Variants in SAMD12 observed in about 807,000 individuals in gnomAD.
SAMD12 encodes the protein sterile alpha motif domain-containing protein 12.
A neutral mutation model predicts 15.0 loss-of-function variants in SAMD12; 9 were observed. The ratio of observed to expected loss-of-function variants is 0.60; its 90% CI spans 0.36 to 1.05. The LOEUF (loss-of-function observed/expected upper bound fraction) is 1.05, where lower values mean the gene tolerates loss of function less well. Ranked by LOEUF, SAMD12 falls within the 50% of genes least tolerant of loss-of-function variation. The pLI is 0.01. For missense variants in SAMD12, 230 were observed against 234.2 expected, an observed-to-expected ratio of 0.98 and a Z score of 0.12; for synonymous variants, 86 against 90.1, an observed-to-expected ratio of 0.96 and a Z score of 0.25.
At chr8:118,473,446 C>T (rs1823862972) in intron 2 of SAMD12, among the ~76,000 whole-genome samples, 1 of 152,218 alleles carries the variant, frequency 6.6e-6, no homozygotes, top group South Asian at 2.1e-4. Context: ...TGTAGTCCCA[C>T]AACCACATCT....
intron 4 of SAMD12, among the ~76,000 whole-genome samples, chr8:118,348,453 C>A (rs1169191806): frequency 6.6e-6 from 1 of 151,782 alleles, no homozygotes; most frequent in Non-Finnish European, 1.5e-5. Context: ...TCACCGCAAG[C>A]TCCGCCCCCC....
chr8:118,200,990 C>T (rs888215992), intron 4 of SAMD12, among the ~76,000 whole-genome samples: 1 of 152,212 alleles, frequency 6.6e-6, no homozygotes, highest in African/African-American at 2.4e-5. Flanking sequence ...CAGCTACACA[C>T]ACCTGGACCC....
intron 4 of SAMD12, among the ~76,000 whole-genome samples, chr8:118,363,007 G>T (rs1703014835): frequency 6.6e-6 from 1 of 152,192 alleles, no homozygotes; most frequent in Admixed American, 6.5e-5. Context: ...ATGCAAAATG[G>T]AAGATGGAGG....
intron 2 of SAMD12, among the ~76,000 whole-genome samples, chr8:118,489,348 A>T (rs1402630055): frequency 6.6e-6 from 1 of 152,112 alleles, no homozygotes; most frequent in East Asian, 1.9e-4. Flanking sequence ...TAATACATCT[A>T]CTTTATCATT....
At chr8:118,548,165 T>C (rs1586807306) in intron 2 of SAMD12, among the ~76,000 whole-genome samples, 1 of 152,318 alleles carries the variant, frequency 6.6e-6, no homozygotes, top group Admixed American at 6.5e-5. Flanking sequence ...CCCATGTTAG[T>C]GCTTTTGCTC....
intron 2 of SAMD12, among the ~76,000 whole-genome samples, chr8:118,499,683 G>A (rs1462051272): frequency 6.6e-6 from 1 of 152,186 alleles, no homozygotes; most frequent in Non-Finnish European, 1.5e-5. Context: ...GTGGAAAACT[G>A]GAGGCTGCTA....
intron 1 of SAMD12, among the ~76,000 whole-genome samples, chr8:118,620,570 C>T (rs1182081388): frequency 6.6e-6 from 1 of 152,042 alleles, no homozygotes; most frequent in Non-Finnish European, 1.5e-5. Context: ...TGAGATAGCC[C>T]AAAGGCAAGA....
intron 3 of SAMD12, among the ~76,000 whole-genome samples, chr8:118,437,459 C>A (rs1226646088): frequency 6.6e-6 from 1 of 152,122 alleles, no homozygotes; most frequent in Non-Finnish European, 1.5e-5. Context: ...CCAGGTGAGT[C>A]CTGACATGAC....
intron 2 of SAMD12, among the ~76,000 whole-genome samples, chr8:118,578,330 C>A (rs1404465563): frequency 6.6e-6 from 1 of 152,160 alleles, no homozygotes; most frequent in Non-Finnish European, 1.5e-5. Flanking sequence ...GCCATCTTTG[C>A]ACATATGAAT....
intron 4 of SAMD12, among the ~76,000 whole-genome samples, chr8:118,251,713 A>G (rs949653672): frequency 1.3e-5 from 2 of 152,124 alleles, no homozygotes; most frequent in Non-Finnish European, 2.9e-5. Context: ...AGGCTCACAC[A>G]AAATGCTTTT....
chr8:118,269,220 C>CTCTCTG lies in SAMD12; in HGVS notation c.434-71489_434-71488insCAGAGA, dbSNP rs1299970707. 1.6e-4 allele frequency among the ~76,000 whole-genome samples: 20 copies of CTCTCTG among 123,040 alleles called. No individual in the cohort carries two copies. The South Asian group carries it at 1.8e-3, about 11-fold the overall frequency. 80.7% of individuals were successfully genotyped at this position (123,040 alleles called of 152,430 possible). A position where few individuals can be genotyped will look rare whatever the true frequency, so the allele number is the denominator to read the frequency against. On this transcript the variant is annotated intron_variant, in intron 4 of 4. Transcript: ENST00000409003. ...TCTCTCTCTCTCTCTCTCTCTCTCT[C>CTCTCTG]TGTGTGTGTGTGTGTGTGTGTGTGT...
rs1813155928 is a variant in SAMD12, at chr8:118,264,579, G to A, written c.434-66847C>T. Among the ~76,000 whole-genome samples the A allele has an allele frequency of 1.3e-5, 2 of 152,132 alleles. 1 individual carries two copies. Among genetic ancestry groups the A allele is most frequent in the South Asian group, 4.1e-4 (2 of 4,834 alleles). ...CTGCACAAGAGTGAAATGGGTGAAG[G>A]TGAAATGCCAGGGGAAAACAGAACA... is the stretch of plus-strand genomic sequence containing the variant. On this transcript the variant is annotated intron_variant, in intron 4 of 4. Transcript: ENST00000409003.
intron 2 of SAMD12, among the ~76,000 whole-genome samples, chr8:118,515,000 TTTTG>T (rs138066033): frequency 0.26 from 38,309 of 149,166 alleles, 6,171 homozygotes; most frequent in African/African-American, 0.46. Context: ...TGTTTAAAAG[TTTTG>T]TTTGTTTGTT....
chr8:118,360,592 T>A (rs1818445309), intron 4 of SAMD12, among the ~76,000 whole-genome samples: 1 of 152,028 alleles, frequency 6.6e-6, no homozygotes, highest in African/African-American at 2.4e-5. Flanking sequence ...GAAAGTATGC[T>A]TTTTATAGGA....
At position 118,597,298 on chromosome 8, in the gene SAMD12, G is replaced by T. The variant is rs189507770; in HGVS notation, c.14-16405C>A. ...AGGGCCCCATCAGACCATTGTAGAA[G>T]GATGTACTGTAGTGCAAAATATTCC... On this transcript the variant is annotated intron_variant, in intron 1 of 3. Coordinates refer to ENST00000314727, the MANE Select transcript of SAMD12 (RefSeq NM_207506.3). 8.9e-3 allele frequency among the ~76,000 whole-genome samples: 1,353 copies of T among 152,328 alleles called. 5 individuals carry two copies. Among genetic ancestry groups the T allele is most frequent in the Middle Eastern group, 0.031 (9 of 294 alleles).
intron 2 of SAMD12, among the ~76,000 whole-genome samples, chr8:118,453,101 AT>A (rs1320074083): frequency 6.6e-6 from 1 of 152,100 alleles, no homozygotes; most frequent in Admixed American, 6.6e-5. Flanking sequence ...AGGTTTTAAA[AT>A]TTTTTTCCTA....
At chr8:118,249,177 A>C (rs1468099927) in intron 4 of SAMD12, among the ~76,000 whole-genome samples, 3 of 152,166 alleles carry the variant, frequency 2.0e-5, no homozygotes, top group Non-Finnish European at 4.4e-5. Context: ...GAAAGATATG[A>C]AACTTACATA....
chr8:118,183,510 T>A, the SAMD12 span, among the ~76,000 whole-genome samples: 4 of 151,966 alleles, frequency 2.6e-5, no homozygotes, highest in African/African-American at 9.7e-5. Context: ...GTGCTTTGTG[T>A]ATAGTGGGTG....
At chr8:118,384,600 G>A (rs1819848454) in intron 3 of SAMD12, among the ~76,000 whole-genome samples, 2 of 152,164 alleles carry the variant, frequency 1.3e-5, no homozygotes, top group Non-Finnish European at 1.5e-5. Context: ...AATGGCTGGA[G>A]GCACCATTTC....
Sources: allele counts gnomAD v4.1 joint callset (sites outside exome capture counted in the v4.1 genomes callset), GRCh38; gene constraint gnomAD v4.1.1; transcripts MANE v1.5; gene names NCBI Gene and HGNC (gene_info 2026-07-23, HGNC 2026-07-21).